The following HS2ST1 variants were observed in gnomAD, a reference collection of about 807,000 sequenced individuals.
The protein encoded by HS2ST1 is heparan sulfate 2-O-sulfotransferase 1.
In HS2ST1, 18 loss-of-function variants were observed where a neutral mutation model predicts 42.9. The ratio of observed to expected loss-of-function variants is 0.42; its 90% CI spans 0.29 to 0.62. HS2ST1 has a LOEUF of 0.62. HS2ST1 is among the 20% of genes least tolerant of loss of function. The probability of loss-of-function intolerance (pLI) is 0.21; values close to 1 mark genes in which losing one functional copy is unlikely to be tolerated. For synonymous variants in HS2ST1, 146 were observed against 152.9 expected (o/e 0.95, Z 0.33); for missense variants, 334 against 433.8 (o/e 0.77, Z 2.04).
intron 2 of HS2ST1, among the ~76,000 whole-genome samples, chr1:87,076,718 C>T (rs559142604): frequency 6.6e-6 from 1 of 151,534 alleles, no homozygotes; most frequent in East Asian, 1.9e-4. Flanking sequence ...ATGGAGTTTG[C>T]TTTGCTGTCA....
intron 1 of HS2ST1, among the ~76,000 whole-genome samples, chr1:86,945,369 G>A (rs561271609): frequency 1.3e-5 from 2 of 152,164 alleles, no homozygotes. Flanking sequence ...TTTATTGAAT[G>A]CTTACTGCAT....
In HS2ST1 at chr1:86,976,797, G is replaced by A. The variant is rs781641330; in HGVS notation, c.124+61637G>A. ...TGAAAACCATGGCAGTGGGCTGGGTGTGATGGCTCATACTTGTAATACCAG... is the reference window on the plus strand; with the variant it reads ...TGAAAACCATGGCAGTGGGCTGGGTATGATGGCTCATACTTGTAATACCAG... On this transcript the variant is annotated intron_variant, in intron 1 of 6. Coordinates refer to ENST00000370550, the MANE Select transcript of HS2ST1 (RefSeq NM_012262.4). 8.1e-4 allele frequency among the ~76,000 whole-genome samples: 116 copies of A among 142,414 alleles called. 1 individual carries two copies. Among genetic ancestry groups the A allele is most frequent in the Middle Eastern group, 3.6e-3 (1 of 280 alleles). The allele number at this position is 142,414 out of a possible 152,430, so 93.4% of individuals were successfully genotyped here.
chr1:86,964,487 A>G (rs112535699), intron 1 of HS2ST1, among the ~76,000 whole-genome samples: 21,210 of 152,154 alleles, frequency 0.14, 1,584 homozygotes, highest in African/African-American at 0.19. Flanking sequence ...AAAATACGAA[A>G]ACCAGTCAGG....
rs1652408799 is a variant in HS2ST1 at position 87,109,160 on chromosome 1, A to G, written c.*4464A>G. 6.6e-6 allele frequency: 1 copy of G among 152,568 alleles called. No individual in the cohort carries two copies. Among genetic ancestry groups the G allele is most frequent in the African/African-American group, 2.4e-5 (1 of 41,456 alleles). 9.5% of individuals were successfully genotyped at this position (152,568 alleles called of 1,614,324 possible). A position where few individuals can be genotyped will look rare whatever the true frequency, so the allele number is the denominator to read the frequency against. ...GTTGACTACCTGATGCAAAAGCTAT[A>G]AAATAAACAGTGGGAAGGGGAAAAA... is the stretch of plus-strand genomic sequence containing the variant. On this transcript the variant is annotated 3_prime_UTR_variant, in exon 7 of 7. Transcript: ENST00000370550.
intron 1 of HS2ST1, among the ~76,000 whole-genome samples, chr1:87,002,973 C>T (rs146271580): frequency 6.6e-6 from 1 of 152,232 alleles, no homozygotes; most frequent in Non-Finnish European, 1.5e-5. Context: ...GTGAACTACT[C>T]TTCTCTCGAA....
At chr1:87,030,353 T>C (rs1650197652) in intron 1 of HS2ST1, among the ~76,000 whole-genome samples, 1 of 152,012 alleles carries the variant, frequency 6.6e-6, no homozygotes. Flanking sequence ...TAAAAATTAG[T>C]CAGGTGTGGT....
At chr1:87,069,796 A>G (rs1024222500) in intron 1 of HS2ST1, among the ~76,000 whole-genome samples, 5 of 152,052 alleles carry the variant, frequency 3.3e-5, no homozygotes, top group East Asian at 1.9e-4. Flanking sequence ...CTAAAATTGT[A>G]TGAAATACAC....
chr1:87,038,458 A>T (rs1329402248), intron 1 of HS2ST1, among the ~76,000 whole-genome samples: 1 of 152,154 alleles, frequency 6.6e-6, no homozygotes, highest in Non-Finnish European at 1.5e-5. Flanking sequence ...TCAAAATTAA[A>T]TGTCAAATGG....
intron 1 of HS2ST1, among the ~76,000 whole-genome samples, chr1:87,004,504 T>C (rs1649381173): frequency 6.6e-6 from 1 of 152,202 alleles, no homozygotes; most frequent in African/African-American, 2.4e-5. Flanking sequence ...TATATTTATA[T>C]ATAACATTGT....
chr1:86,932,523 A>G (rs551149525), intron 1 of HS2ST1: 2 of 152,324 alleles, frequency 1.3e-5, no homozygotes, highest in East Asian at 1.9e-4. Flanking sequence ...CATAAATCAT[A>G]TAACTTTGAT....
chr1:86,922,108 AG>A (rs1660311841), intron 1 of HS2ST1, among the ~76,000 whole-genome samples: 1 of 150,604 alleles, frequency 6.6e-6, no homozygotes, highest in Non-Finnish European at 1.5e-5. Context: ...TTAGGATTAA[AG>A]GGGTATTTTT....
At chr1:86,974,523 G>A (rs1648336499) in intron 1 of HS2ST1, among the ~76,000 whole-genome samples, 1 of 152,182 alleles carries the variant, frequency 6.6e-6, no homozygotes, top group South Asian at 2.1e-4. Flanking sequence ...CCAAATGGAG[G>A]ATGTCATGGA....
intron 1 of HS2ST1, among the ~76,000 whole-genome samples, chr1:86,915,729 C>T (rs1227227295): frequency 2.0e-5 from 3 of 152,176 alleles, no homozygotes; most frequent in Non-Finnish European, 4.4e-5. Flanking sequence ...CTTGTAATTG[C>T]CAGCTGAGGG....
At chr1:87,045,160 T>C (rs1650616193) in intron 1 of HS2ST1, 3 of 869,388 alleles carry the variant, frequency 3.5e-6, no homozygotes, top group Non-Finnish European at 5.9e-6. Flanking sequence ...TTGGTTATGC[T>C]TTTGGCAGCA....
At chr1:86,991,018 T>C (rs1209788758) in intron 1 of HS2ST1, among the ~76,000 whole-genome samples, 1 of 150,386 alleles carries the variant, frequency 6.6e-6, no homozygotes, top group Non-Finnish European at 1.5e-5. Flanking sequence ...CAAGTTCAGA[T>C]AAAAAATTTA....
At chr1:86,962,329 G>A (rs530294941) in intron 1 of HS2ST1, among the ~76,000 whole-genome samples, 1 of 151,908 alleles carries the variant, frequency 6.6e-6, no homozygotes, top group East Asian at 1.9e-4. Context: ...TAGTTTTAAG[G>A]TAATACAAAT....
chr1:87,017,144 C>T (rs990297631), intron 1 of HS2ST1, among the ~76,000 whole-genome samples: 1 of 151,766 alleles, frequency 6.6e-6, no homozygotes, highest in Non-Finnish European at 1.5e-5. Context: ...TCTCTCTCTC[C>T]TTTCTTTTTT....
intron 1 of HS2ST1, among the ~76,000 whole-genome samples, chr1:86,946,401 G>A (rs1647337191): frequency 6.6e-6 from 1 of 152,058 alleles, no homozygotes; most frequent in African/African-American, 2.4e-5. Flanking sequence ...TGCTATTCTA[G>A]GATTAGAACT....
rs1042378978 is a variant in HS2ST1, at chr1:87,058,765, T to G, written c.125-14169T>G. 4.3e-4 allele frequency among the ~76,000 whole-genome samples: 65 copies of G among 151,680 alleles called. 1 individual carries two copies. The highest frequency in any genetic ancestry group is 3.7e-3 in the Admixed American group (56 of 15,260). ...AGAATTAGGTGAAGTAATGTACATTTAAACATGAACCGTTGGCTGGGTGCG... is the reference window on the plus strand; with the variant it reads ...AGAATTAGGTGAAGTAATGTACATTGAAACATGAACCGTTGGCTGGGTGCG... On this transcript the variant is annotated intron_variant, in intron 1 of 6. Transcript: ENST00000370550.
Sources: gnomAD v4.1 joint callset for allele counts (sites outside exome capture counted in the v4.1 genomes callset) on GRCh38, gnomAD v4.1.1 for gene constraint, MANE v1.5 for transcripts, NCBI Gene and HGNC (gene_info 2026-07-23, HGNC 2026-07-21) for gene names.